The following USP32 variants were observed in gnomAD, a reference collection of about 807,000 sequenced individuals.
USP32 encodes ubiquitin specific peptidase 32.
A neutral mutation model predicts 204.8 loss-of-function variants in USP32; 59 were observed. The observed-to-expected ratio is 0.29, with a 90% CI of 0.23 to 0.36. The LOEUF (loss-of-function observed/expected upper bound fraction) is 0.36, where lower values mean the gene tolerates loss of function less well. USP32 is among the 10% of genes least tolerant of loss of function. The pLI is 1.00. For synonymous variants in USP32, 517 were observed against 678.4 expected (o/e 0.76, Z 3.70); for missense variants, 1,160 against 1,946.4 (o/e 0.60, Z 7.60).
intron 2 of USP32, among the ~76,000 whole-genome samples, chr17:60,305,391 G>A (rs866799830): frequency 3.9e-5 from 6 of 152,152 alleles, no homozygotes; most frequent in Non-Finnish European, 5.9e-5. Flanking sequence ...GAGTGACAGC[G>A]CACTCATTAC....
intron 1 of USP32, among the ~76,000 whole-genome samples, chr17:60,374,570 G>A (rs2089504394): frequency 6.6e-6 from 1 of 151,972 alleles, no homozygotes; most frequent in Admixed American, 6.6e-5. Context: ...ATTTTTTGTA[G>A]AGACAGGTTT....
chr17:60,233,166 C>A (rs779741392), intron 12 of USP32, among the ~76,000 whole-genome samples: 1 of 152,112 alleles, frequency 6.6e-6, no homozygotes, highest in Non-Finnish European at 1.5e-5. Flanking sequence ...TTACTATGTA[C>A]CAGACACTGT....
rs548604246 is a variant in USP32, at chr17:60,202,937, G to A, written c.3249+2510C>T. On this transcript the variant is annotated intron_variant, in intron 26 of 33. Transcript: ENST00000300896. ...CCTTATCAGAGAAAGACAGAGAGAA[G>A]GAGAAGGCTATATGAAGAGGCAGGG... 3.3e-5 allele frequency among the ~76,000 whole-genome samples: 5 copies of A among 150,056 alleles called. No individual in the cohort carries two copies. The East Asian group carries it at 7.7e-4, about 23-fold the overall frequency.
chr17:60,209,847 C>T (rs2084914817), intron 21 of USP32, among the ~76,000 whole-genome samples: 2 of 152,140 alleles, frequency 1.3e-5, no homozygotes. Flanking sequence ...AACATTAAAA[C>T]AGCGTTTGCT....
chr17:60,273,950 A>G (rs2086782100), intron 5 of USP32, among the ~76,000 whole-genome samples: 1 of 138,030 alleles, frequency 7.2e-6, no homozygotes, highest in Middle Eastern at 3.4e-3. Context: ...CAACAGAGCG[A>G]GACTCAGTCT....
chr17:60,211,239 C>T, intron 20 of USP32, 121 bp from the exon 21 acceptor site: 1 of 1,500,460 alleles, frequency 6.7e-7, no homozygotes, highest in East Asian at 2.3e-5. Flanking sequence ...GAGATGTATT[C>T]CTTGGCCTAT....
intron 26 of USP32, among the ~76,000 whole-genome samples, 179 bp from the exon 27 acceptor site, chr17:60,198,623 A>C (rs2084589268): frequency 6.6e-6 from 1 of 152,356 alleles, no homozygotes; most frequent in Middle Eastern, 3.4e-3. Flanking sequence ...GTTACAGTGG[A>C]GTCATTAAAG....
chr17:60,400,457 G>T (rs2089927269), intron 1 of USP32, among the ~76,000 whole-genome samples: 1 of 152,110 alleles, frequency 6.6e-6, no homozygotes, highest in African/African-American at 2.4e-5. Flanking sequence ...GATTAGATTG[G>T]GATGGATGAG....
chr17:60,231,757 T>TA, intron 12 of USP32: 1 of 327,062 alleles, frequency 3.1e-6, no homozygotes, highest in Non-Finnish European at 6.3e-6. Context: ...AAAAGGAAGA[T>TA]ACACATTATG....
In USP32 at chr17:60,346,896, G is replaced by A. The variant is rs77652880; in HGVS notation, c.59-1288C>T. Among the ~76,000 whole-genome samples the A allele has an allele frequency of 5.6e-4, 85 of 152,296 alleles. 2 individuals carry two copies. In the East Asian group the frequency reaches 0.013, roughly 23 times the overall value. On this transcript the variant is annotated intron_variant, in intron 1 of 33. Transcript: ENST00000300896. ...AAGTATCTTACTACAGCAAAGCACG[G>A]AGTAGCAAACGATAAACCTAGAGAG...
intron 1 of USP32, among the ~76,000 whole-genome samples, chr17:60,355,976 T>C (rs997965058): frequency 6.6e-6 from 1 of 150,702 alleles, no homozygotes; most frequent in African/African-American, 2.4e-5. Flanking sequence ...TGCAATAGCT[T>C]TGAAAACCAA....
rs1172180709 is a variant in USP32 at position 60,192,861 on chromosome 17, A to C, written c.3504T>G (p.Ala1168=). 6.2e-7 allele frequency: 1 copy of C among 1,613,966 alleles called. No individual in the cohort carries two copies. Among genetic ancestry groups the C allele is most frequent in the Non-Finnish European group, 8.5e-7 (1 of 1,179,902 alleles). ...CACTTTACCTATACCATGGGCACCA[A>C]GCACAGGAGTTCCCATCTTTCTGCA... ...RVVQKDGNSC[A]WCPWYRFCRG... is the part of the protein sequence containing the mutation. The change falls in exon 28 of 34, where the codon GCT becomes GCG. Residue 1168 remains alanine, a synonymous_variant. Coordinates refer to ENST00000300896, the MANE Select transcript of USP32 (RefSeq NM_032582.4).
At chr17:60,411,129 G>A (rs924405961) in intron 1 of USP32, among the ~76,000 whole-genome samples, 7 of 152,026 alleles carry the variant, frequency 4.6e-5, no homozygotes, top group African/African-American at 1.4e-4. Context: ...GGGAGTTCAA[G>A]ACCAGCCTGA....
At chr17:60,394,782 C>A (rs974926386), upstream of USP32, among the ~76,000 whole-genome samples, 1 of 152,010 alleles carries the variant, frequency 6.6e-6, no homozygotes, top group African/African-American at 2.4e-5. Context: ...CTTGCTCTGT[C>A]GCCCAGGCTG....
At chr17:60,357,188 C>T (rs1315939402) in intron 1 of USP32, among the ~76,000 whole-genome samples, 9 of 152,218 alleles carry the variant, frequency 5.9e-5, no homozygotes, top group Admixed American at 3.3e-4. Flanking sequence ...CACTGGCTCA[C>T]ACCTCTAATC....
chr17:60,190,586 G>A lies in USP32; in HGVS notation c.3619C>T (p.Arg1207Cys), dbSNP rs1332234424. Residue 1207 changes from arginine (R) to cysteine (C), a missense_variant, in exon 29 of 34, where the codon CGC (arginine) becomes TGC (cysteine). Physicochemically the swap from Arg to Cys is radical, Grantham distance 180. Around this residue, in one of 8 missense-constraint regions of USP32, gnomAD observed 160 missense variants for 322.5 expected, o/e 0.50. Coordinates refer to ENST00000300896, the MANE Select transcript of USP32 (RefSeq NM_032582.4). ...ACCCTTTCCTGGGATGTTTGATAGC[G>A]AAGGTGAAGGGCTGTGGGATCCCAA... ...VDWDPTALHL[R>C]YQTSQERVVD... 12 of 1,588,964 alleles carry A rather than the reference G, an allele frequency of 7.6e-6. No homozygotes were observed. Among genetic ancestry groups the A allele is most frequent in the African/African-American group, 2.7e-5 (2 of 73,292 alleles).
At chr17:60,368,702 T>C (rs542248758) in intron 1 of USP32, among the ~76,000 whole-genome samples, 6 of 152,098 alleles carry the variant, frequency 3.9e-5, no homozygotes, top group Non-Finnish European at 7.4e-5. Context: ...CTACTGCACA[T>C]AGTAAGCACT....
At position 60,181,356 on chromosome 17, in the gene USP32, T is replaced by G; in HGVS notation, c.4516A>C (p.Ile1506Leu). Residue 1506 changes from isoleucine to leucine, a missense_variant, in exon 32 of 34, where the codon ATT becomes CTT. Physicochemically the swap from Ile to Leu is conservative, Grantham distance 5. Around this residue, in one of 8 missense-constraint regions of USP32, gnomAD observed 244 missense variants for 342.3 expected, o/e 0.71. Transcript: ENST00000300896. ...STDDQREDTR[I>L]KPIYNLYAIS... ...GCATATAGATTATAAATAGGCTTAA[T>G]ACGAGTATCTTCTCTTTGGTCATCA... The G allele has an allele frequency of 6.2e-7, 1 of 1,613,422 alleles. No individual in the cohort carries two copies. The highest frequency in any genetic ancestry group is 8.5e-7 in the Non-Finnish European group (1 of 1,179,846).
At chr17:60,218,257 G>A (rs1325317381) in intron 16 of USP32, among the ~76,000 whole-genome samples, 4 of 152,034 alleles carry the variant, frequency 2.6e-5, no homozygotes, top group South Asian at 4.1e-4. Context: ...GGTGGTGGGC[G>A]CCTGTAGTCC....
Sources: allele counts gnomAD v4.1 joint callset (sites outside exome capture counted in the v4.1 genomes callset), GRCh38; gene constraint gnomAD v4.1.1; regional missense constraint gnomAD v4.1.1; transcripts MANE v1.5; gene names NCBI Gene and HGNC (gene_info 2026-07-23, HGNC 2026-07-21).